KCNH7: variants seen among roughly 807,000 people sequenced by gnomAD.
The protein encoded by KCNH7 is voltage-gated inwardly rectifying potassium channel KCNH7.
Under a neutral mutation model 120.8 loss-of-function variants are expected in KCNH7, and 49 were observed. That is an observed-to-expected ratio of 0.41 (90% CI 0.32 to 0.51). The LOEUF (loss-of-function observed/expected upper bound fraction) is 0.51, where lower values mean the gene tolerates loss of function less well. Ranked by LOEUF, KCNH7 falls within the 20% of genes least tolerant of loss-of-function variation. The pLI is 0.38. For missense variants in KCNH7, 1,097 were observed against 1,446.6 expected (o/e 0.76, Z 3.92); for synonymous variants, 547 against 516.1 (o/e 1.06, Z -0.81).
chr2:162,566,540 A>G (rs1693263339), intron 2 of KCNH7, among the ~76,000 whole-genome samples: 1 of 152,096 alleles, frequency 6.6e-6, no homozygotes, highest in Non-Finnish European at 1.5e-5. Context: ...AAAATAAAAG[A>G]TAGTCAATTT....
At chr2:162,423,958 T>C (rs1024267626) in intron 8 of KCNH7, among the ~76,000 whole-genome samples, 46 of 152,174 alleles carry the variant, frequency 3.0e-4, no homozygotes, top group African/African-American at 1.1e-3. Context: ...AGTTAACACA[T>C]TAGTTTTAAA....
intron 2 of KCNH7, among the ~76,000 whole-genome samples, chr2:162,589,022 A>T (rs1694115518): frequency 6.6e-6 from 1 of 152,068 alleles, no homozygotes. Context: ...TCATGAGTAG[A>T]TAATCTGGGT....
intron 2 of KCNH7, among the ~76,000 whole-genome samples, chr2:162,722,812 T>A (rs1020132344): frequency 7.0e-6 from 1 of 142,556 alleles, no homozygotes; most frequent in Non-Finnish European, 1.5e-5. Flanking sequence ...ATTCTTTTTT[T>A]CTTTTTTTTT....
rs142631900 is a variant in KCNH7, at chr2:162,651,531, CA to C, written c.308-114452del. Reference sequence around the variant, plus strand: ...CCTCCAGCTCCATCTGCAAAATACACAATCTTTTTTTTAATGGCTGAATAGT... The same window carrying C: ...CCTCCAGCTCCATCTGCAAAATACACATCTTTTTTTTAATGGCTGAATAGT... On this transcript the variant is annotated intron_variant, in intron 2 of 15. Coordinates refer to ENST00000332142, the MANE Select transcript of KCNH7 (RefSeq NM_033272.4). 3.7e-3 allele frequency among the ~76,000 whole-genome samples: 566 copies of C among 152,118 alleles called. 4 individuals carry two copies. Among genetic ancestry groups the C allele is most frequent in the African/African-American group, 0.013 (533 of 41,526 alleles).
intron 6 of KCNH7, among the ~76,000 whole-genome samples, chr2:162,465,285 C>A (rs1689271150): frequency 6.6e-6 from 1 of 152,096 alleles, no homozygotes; most frequent in Admixed American, 6.6e-5. Flanking sequence ...CTCTGAGATT[C>A]CAATTGTTAC....
chr2:162,802,343 C>G (rs1684381890), intron 2 of KCNH7, among the ~76,000 whole-genome samples: 1 of 151,692 alleles, frequency 6.6e-6, no homozygotes, highest in African/African-American at 2.4e-5. Context: ...GTTTTAAATA[C>G]TAGTTGTTAG....
intron 2 of KCNH7, among the ~76,000 whole-genome samples, chr2:162,805,329 A>G (rs1305931160): frequency 1.3e-5 from 2 of 152,156 alleles, no homozygotes; most frequent in Non-Finnish European, 2.9e-5. Context: ...TTTGCAAACT[A>G]TGCATCTGAC....
rs900154619 is a variant in KCNH7, at chr2:162,655,674, T to G, written c.308-118594A>C. On this transcript the variant is annotated intron_variant, in intron 2 of 15. Transcript: ENST00000332142. ...TGGGCGTGGTGGCGCGCGCTTGTAG[T>G]CCCAGCTACTTCGGAGGCTGAGGTA... Among the ~76,000 whole-genome samples the G allele has an allele frequency of 4.9e-4, 74 of 152,140 alleles. 1 individual carries two copies. Among genetic ancestry groups the G allele is most frequent in the African/African-American group, 1.7e-3 (70 of 41,502 alleles).
chr2:162,434,007 A>G (rs1473323777), intron 8 of KCNH7, among the ~76,000 whole-genome samples: 1 of 152,110 alleles, frequency 6.6e-6, no homozygotes, highest in Non-Finnish European at 1.5e-5. Flanking sequence ...AACCGGATAA[A>G]TAAAACGTAG....
intron 2 of KCNH7, among the ~76,000 whole-genome samples, chr2:162,601,731 ACG>A (rs1370469751): frequency 1.3e-5 from 2 of 152,044 alleles, no homozygotes; most frequent in African/African-American, 4.8e-5. Context: ...TATTGTAAAC[ACG>A]TGAGTTCAGA....
chr2:162,551,973 C>A (rs1409211031), intron 2 of KCNH7, among the ~76,000 whole-genome samples: 7 of 152,150 alleles, frequency 4.6e-5, no homozygotes, highest in Admixed American at 4.6e-4. Context: ...TCTGGTCTGA[C>A]TCCTCTATTG....
At chr2:162,462,876 T>A (rs753585699) in intron 6 of KCNH7, among the ~76,000 whole-genome samples, 9 of 152,122 alleles carry the variant, frequency 5.9e-5, no homozygotes, top group Non-Finnish European at 1.5e-5. Context: ...TAAATATACA[T>A]AATTATTATT....
intron 9 of KCNH7, among the ~76,000 whole-genome samples, chr2:162,422,349 G>A (rs1013953611): frequency 6.6e-6 from 1 of 152,078 alleles, no homozygotes; most frequent in African/African-American, 2.4e-5. Flanking sequence ...AAATTGTACA[G>A]GCTCACTTAC....
chr2:162,745,552 AAT>A, intron 2 of KCNH7, among the ~76,000 whole-genome samples: 1 of 152,298 alleles, frequency 6.6e-6, no homozygotes, highest in Non-Finnish European at 1.5e-5. Flanking sequence ...TTAAACAAGA[AAT>A]AGTAAGCATG....
At chr2:162,523,140 T>C (rs1691589272) in intron 3 of KCNH7, among the ~76,000 whole-genome samples, 1 of 151,902 alleles carries the variant, frequency 6.6e-6, no homozygotes, top group Non-Finnish European at 1.5e-5. Context: ...TGATTAATTT[T>C]AGTTTTACCC....
At chr2:162,651,561 C>T (rs55818909) in intron 2 of KCNH7, among the ~76,000 whole-genome samples, 13,150 of 152,116 alleles carry the variant, frequency 0.086, 845 homozygotes, top group East Asian at 0.32. Context: ...GAATAGTATT[C>T]CATGGTGTAT....
intron 12 of KCNH7, among the ~76,000 whole-genome samples, chr2:162,387,931 G>A (rs562331060): frequency 6.6e-6 from 1 of 151,758 alleles, no homozygotes; most frequent in South Asian, 2.1e-4. Flanking sequence ...GAACCCAACA[G>A]GGAAACATAA....
chr2:162,536,894 G>A (rs374176303), intron 3 of KCNH7, 31 bp downstream of exon 3: 14 of 1,579,216 alleles, frequency 8.9e-6, no homozygotes, highest in African/African-American at 1.3e-5. Flanking sequence ...GAATTATCAA[G>A]AGCATTGAGT....
chr2:162,389,386 AC>A (rs1178489802), intron 12 of KCNH7, among the ~76,000 whole-genome samples: 4 of 151,948 alleles, frequency 2.6e-5, no homozygotes, highest in Non-Finnish European at 5.9e-5. Context: ...TTTCTTTCTG[AC>A]GCAATCATTT....
Sources: gnomAD v4.1 joint callset for allele counts (sites outside exome capture counted in the v4.1 genomes callset) on GRCh38, gnomAD v4.1.1 for gene constraint, MANE v1.5 for transcripts, NCBI Gene and HGNC (gene_info 2026-07-23, HGNC 2026-07-21) for gene names.